Variants in ZNF407 observed in about 807,000 individuals in gnomAD.
The protein encoded by ZNF407 is zinc finger protein 407.
ZNF407 carries 17 observed loss-of-function variants against 131.2 expected under a neutral mutation model. That is an observed-to-expected ratio of 0.13 (90% CI 0.09 to 0.19). The LOEUF (loss-of-function observed/expected upper bound fraction) is 0.19. ZNF407 is among the 10% of genes least tolerant of loss of function. ZNF407 has a pLI of 1.00. For synonymous variants in ZNF407, 1,156 were observed against 1,062.0 expected (o/e 1.09, Z -1.72); for missense variants, 2,681 against 2,830.6 (o/e 0.95, Z 1.20).
intron 4 of ZNF407, among the ~76,000 whole-genome samples, chr18:74,793,151 A>G (rs1175476877): frequency 6.6e-6 from 1 of 152,170 alleles, no homozygotes; most frequent in Non-Finnish European, 1.5e-5. Context: ...TTCTTTACTC[A>G]TTGTATGTTT....
At chr18:74,970,054 A>G (rs1972454811) in intron 8 of ZNF407, among the ~76,000 whole-genome samples, 1 of 152,120 alleles carries the variant, frequency 6.6e-6, no homozygotes. Flanking sequence ...AAGATAAAAC[A>G]AGGAAGAAGC....
In ZNF407 at chr18:74,641,904, A is replaced by G. The variant is rs180994223; in HGVS notation, c.4802+782A>G. On this transcript the variant is annotated intron_variant, in intron 3 of 8. Transcript: ENST00000299687. ...TAATGCTGTTATGCTAGAGAAATTA[A>G]TAAGTGCATCATATAAAAATTCTTC... is the stretch of plus-strand genomic sequence containing the variant. Among the ~76,000 whole-genome samples, 584 of 152,318 alleles carry G rather than the reference A, an allele frequency of 3.8e-3. 1 individual carries two copies. The highest frequency in any genetic ancestry group is 0.013 in the African/African-American group (554 of 41,578).
Position 74,632,523 on chromosome 18 carries a change from G to A in ZNF407, c.1504G>A (p.Gly502Ser). 1 of 1,614,002 alleles carries A rather than the reference G, an allele frequency of 6.2e-7. No individual in the cohort carries two copies. The highest frequency in any genetic ancestry group is 8.5e-7 in the Non-Finnish European group (1 of 1,179,904). The change falls in exon 2 of 9, where the codon GGC becomes AGC. Residue 502 changes from glycine to serine, a missense_variant. By Grantham distance (56) the Gly-to-Ser change is moderately conservative (BLOSUM62 0). Transcript: ENST00000299687. ...CTCAGAAACCCAGGAGGCAGAGCAG[G>A]GCCAGGGGAGTGCCCGTCCTCCGGA... Reference protein sequence around the residue: ...TTSETQEAEQGQGSARPPDSG... With the variant: ...TTSETQEAEQSQGSARPPDSG...
At chr18:74,842,276 T>A (rs1177766865) in intron 4 of ZNF407, among the ~76,000 whole-genome samples, 3 of 152,146 alleles carry the variant, frequency 2.0e-5, no homozygotes, top group Admixed American at 6.5e-5. Flanking sequence ...CAGTAGCCAA[T>A]TTCACTTTCT....
intron 3 of ZNF407, among the ~76,000 whole-genome samples, chr18:74,704,319 A>G (rs968937883): frequency 1.3e-5 from 2 of 152,184 alleles, no homozygotes; most frequent in Non-Finnish European, 1.5e-5. Flanking sequence ...ATAGCCAACA[A>G]CTAGGGATCT....
intron 8 of ZNF407, among the ~76,000 whole-genome samples, chr18:75,044,733 A>G (rs1973412846): frequency 6.6e-6 from 1 of 152,212 alleles, no homozygotes; most frequent in South Asian, 2.1e-4. Flanking sequence ...AATATGCAAG[A>G]TATGACTAAA....
intron 3 of ZNF407, among the ~76,000 whole-genome samples, chr18:74,760,360 T>C (rs1429341214): frequency 6.6e-6 from 1 of 152,196 alleles, no homozygotes; most frequent in Non-Finnish European, 1.5e-5. Context: ...TTATTACCTT[T>C]TCAGATTTCT....
At chr18:74,938,145 C>T (rs1371956507) in intron 8 of ZNF407, among the ~76,000 whole-genome samples, 3 of 152,168 alleles carry the variant, frequency 2.0e-5, no homozygotes, top group Non-Finnish European at 4.4e-5. Context: ...CCTTTGGCTT[C>T]TTTTAGAACA....
At chr18:74,651,451 A>G (rs1985221547) in intron 3 of ZNF407, among the ~76,000 whole-genome samples, 1 of 152,204 alleles carries the variant, frequency 6.6e-6, no homozygotes, top group Non-Finnish European at 1.5e-5. Flanking sequence ...GTTTTGAAGA[A>G]GAGGCCGATA....
chr18:74,807,213 A>G (rs1449704735), intron 4 of ZNF407, among the ~76,000 whole-genome samples: 2 of 152,202 alleles, frequency 1.3e-5, no homozygotes, highest in South Asian at 2.1e-4. Context: ...AGGAACGTGA[A>G]TGATGAGAAA....
chr18:74,881,233 C>A, intron 6 of ZNF407, 114 bp downstream of exon 6: 1 of 894,580 alleles, frequency 1.1e-6, no homozygotes, highest in Non-Finnish European at 1.7e-6. Context: ...AACATCTGTG[C>A]ACTTGAAGGT....
intron 8 of ZNF407, among the ~76,000 whole-genome samples, chr18:74,923,319 A>T (rs1266593091): frequency 4.7e-5 from 7 of 148,008 alleles, no homozygotes; most frequent in East Asian, 2.0e-4. Flanking sequence ...TTTTTTTTTT[A>T]AACTATTGAA....
At chr18:74,860,720 T>G (rs1970926275) in intron 4 of ZNF407, among the ~76,000 whole-genome samples, 1 of 152,088 alleles carries the variant, frequency 6.6e-6, no homozygotes, top group African/African-American at 2.4e-5. Context: ...AAGAAGTAGG[T>G]TAATTAATAC....
chr18:74,972,566 T>TG (rs1377419854), intron 8 of ZNF407, among the ~76,000 whole-genome samples: 1 of 152,234 alleles, frequency 6.6e-6, no homozygotes, highest in African/African-American at 2.4e-5. Flanking sequence ...TCTGGACTGT[T>TG]GCCACTGCCT....
At position 74,751,806 on chromosome 18, in the gene ZNF407, A is replaced by G. The variant is rs574191972; in HGVS notation, c.4803-29622A>G. Among the ~76,000 whole-genome samples the G allele has an allele frequency of 7.2e-5, 11 of 152,306 alleles. No individual in the cohort carries two copies. In the East Asian group the frequency reaches 1.9e-3, roughly 27 times the overall value. On this transcript the variant is annotated intron_variant, in intron 3 of 8. Transcript: ENST00000299687. ...TCTGGGTTAGTACCAAGTCTTTGCT[A>G]TTGTGAATAGTGCCGCAGTAGACAT...
intron 3 of ZNF407, among the ~76,000 whole-genome samples, chr18:74,672,514 T>A (rs1157221456): frequency 1.3e-5 from 2 of 151,390 alleles, no homozygotes; most frequent in Non-Finnish European, 3.0e-5. Flanking sequence ...GTGTCTCTGT[T>A]CGTTGGAGCA....
chr18:74,711,394 T>G (rs1173389658), intron 3 of ZNF407, among the ~76,000 whole-genome samples: 1 of 152,080 alleles, frequency 6.6e-6, no homozygotes, highest in African/African-American at 2.4e-5. Context: ...ATCACAAGGG[T>G]CCATAAATGT....
intron 8 of ZNF407, among the ~76,000 whole-genome samples, chr18:75,003,447 G>A (rs1972871279): frequency 6.6e-6 from 1 of 152,126 alleles, no homozygotes; most frequent in African/African-American, 2.4e-5. Context: ...TAGGGTTTAG[G>A]ATTTGTTTCA....
intron 3 of ZNF407, among the ~76,000 whole-genome samples, chr18:74,678,454 G>A (rs1472691557): frequency 2.6e-5 from 4 of 151,992 alleles, no homozygotes; most frequent in East Asian, 1.9e-4. Context: ...CATTTTCTGC[G>A]CACCTAGGCC....
Sources: allele counts gnomAD v4.1 joint callset (sites outside exome capture counted in the v4.1 genomes callset), GRCh38; gene constraint gnomAD v4.1.1; transcripts MANE v1.5; gene names NCBI Gene and HGNC (gene_info 2026-07-23, HGNC 2026-07-21).